The following TRPM6 variants were observed in gnomAD, a reference collection of about 807,000 sequenced individuals.
TRPM6 encodes the protein channel kinase 2.
A neutral mutation model predicts 247.6 loss-of-function variants in TRPM6; 111 were observed. The ratio of observed to expected loss-of-function variants is 0.45; its 90% confidence interval spans 0.38 to 0.52. The LOEUF is 0.52. TRPM6 is among the 20% of genes least tolerant of loss of function. The probability of loss-of-function intolerance (pLI) is 0.00; values close to 1 mark genes in which losing one functional copy is unlikely to be tolerated. For missense variants in TRPM6, 2,126 were observed against 2,421.5 expected, an observed-to-expected ratio of 0.88 and a Z score of 2.56; for synonymous variants, 892 against 853.8, an observed-to-expected ratio of 1.04 and a Z score of -0.78.
intron 7 of TRPM6, 195 bp downstream of exon 7, chr9:74,827,583 G>T (rs1269656945): frequency 1.4e-5 from 10 of 694,444 alleles, no homozygotes; most frequent in South Asian, 1.4e-4. Context: ...GTGGATCCTC[G>T]AAGTGTCATT....
At chr9:74,872,644 A>G (rs1186973175) in intron 1 of TRPM6, among the ~76,000 whole-genome samples, 1 of 148,410 alleles carries the variant, frequency 6.7e-6, no homozygotes, top group Non-Finnish European at 1.5e-5. Flanking sequence ...ACGTGTGTAC[A>G]TGTTTTGTAG....
chr9:74,743,924 C>T (rs1825945519), intron 32 of TRPM6, among the ~76,000 whole-genome samples, 171 bp downstream of exon 32: 1 of 152,130 alleles, frequency 6.6e-6, no homozygotes, highest in Non-Finnish European at 1.5e-5. Context: ...CTTGTTTTCC[C>T]AAGTCAATGG....
chr9:74,785,828 T>C (rs762452645), intron 21 of TRPM6, 46 bp downstream of exon 21: 11 of 1,612,608 alleles, frequency 6.8e-6, no homozygotes, highest in Non-Finnish European at 9.3e-6. Context: ...TGGCTAAAAA[T>C]AATTTTAAAA....
intron 37 of TRPM6, among the ~76,000 whole-genome samples, chr9:74,730,275 A>G (rs573262141): frequency 5.1e-4 from 77 of 152,362 alleles, no homozygotes; most frequent in Middle Eastern, 3.4e-3. Flanking sequence ...GCCCAAAACT[A>G]TCAAAGCAGC....
intron 7 of TRPM6, among the ~76,000 whole-genome samples, chr9:74,824,477 G>T (rs7856519): frequency 0.13 from 12,987 of 102,036 alleles, 2,012 homozygotes; most frequent in African/African-American, 0.37. Context: ...AATAACTTAT[G>T]CCCACAAAAT....
intron 38 of TRPM6, among the ~76,000 whole-genome samples, chr9:74,726,867 C>T (rs565156870): frequency 6.6e-6 from 1 of 152,204 alleles, no homozygotes; most frequent in South Asian, 2.1e-4. Context: ...CCAGCCCCTT[C>T]CTGAGCTCCT....
chr9:74,792,588 C>T, intron 19 of TRPM6, 36 bp downstream of exon 19: 1 of 1,606,568 alleles, frequency 6.2e-7, no homozygotes. Flanking sequence ...TATCAATCAT[C>T]ATTAATCCGA....
rs200312911 is a variant in TRPM6 at position 74,876,138 on chromosome 9, CA to C, written c.33+11685del. Among the ~76,000 whole-genome samples the C allele has an allele frequency of 3.1e-3, 476 of 152,348 alleles. 14 individuals carry two copies. The East Asian group carries it at 0.071, about 23-fold the overall frequency. On this transcript the variant is annotated intron_variant, in intron 1 of 38. Transcript: ENST00000360774. The stretch of plus-strand genomic sequence containing the variant: ...CGCTCTTGTCGCCCAGGCTGGAATG[CA>C]ATGGCATGATCACAGCTCACTGCAA...
rs575884352 is a variant in TRPM6, at chr9:74,876,318, A to G, written c.33+11506T>C. Among the ~76,000 whole-genome samples, 4 of 152,316 alleles carry G rather than the reference A, an allele frequency of 2.6e-5. No homozygotes were observed. The East Asian group carries it at 7.7e-4, about 29-fold the overall frequency. ...AGGCTGGTCTCAAACTCCTGACCTC[A>G]CGTGATCCACCCACCTCAGCCTCCC... On this transcript the variant is annotated intron_variant, in intron 1 of 38. Transcript: ENST00000360774.
intron 1 of TRPM6, among the ~76,000 whole-genome samples, chr9:74,867,326 C>G (rs143835375): frequency 6.6e-6 from 1 of 152,288 alleles, no homozygotes; most frequent in East Asian, 1.9e-4. Context: ...CTGAAAAGGT[C>G]TTAGAGACCT....
chr9:74,843,466 A>ATGG (rs1830008007), intron 3 of TRPM6, among the ~76,000 whole-genome samples: 1 of 152,136 alleles, frequency 6.6e-6, no homozygotes, highest in African/African-American at 2.4e-5. Context: ...CCATCAGAGG[A>ATGG]ATCACTACCT....
chr9:74,812,813 C>A (rs1002593418), intron 11 of TRPM6, among the ~76,000 whole-genome samples: 1 of 151,962 alleles, frequency 6.6e-6, no homozygotes, highest in Admixed American at 6.6e-5. Context: ...CCAATTGAGC[C>A]CAAGGGGTCA....
In TRPM6 at chr9:74,782,746, T is replaced by G; in HGVS notation, c.3027A>C (p.Leu1009=). 6.2e-7 allele frequency: 1 copy of G among 1,614,184 alleles called. No individual in the cohort carries two copies. The highest frequency in any genetic ancestry group is 8.5e-7 in the Non-Finnish European group (1 of 1,180,020). The change falls in exon 22 of 39, where the codon CTA becomes CTC. Residue 1009 remains leucine, a synonymous_variant. Coordinates refer to ENST00000360774, the MANE Select transcript of TRPM6 (RefSeq NM_017662.5). The part of the protein sequence containing the change: ...LSPKEPPSWS[L]ARDIVFEPYW... ...ATGGCTCAAATACAATATCTCGAGCTAGACTCCAAGATGGTGGCTCTTTTG... is the reference window on the plus strand; with the variant it reads ...ATGGCTCAAATACAATATCTCGAGCGAGACTCCAAGATGGTGGCTCTTTTG...
At chr9:74,787,444 G>A (rs1478985670) in intron 20 of TRPM6, among the ~76,000 whole-genome samples, 1 of 151,614 alleles carries the variant, frequency 6.6e-6, no homozygotes, top group Non-Finnish European at 1.5e-5. Context: ...ATAGTACACC[G>A]ATTTTCCCTG....
chr9:74,844,924 A>G (rs1830059242), intron 3 of TRPM6, among the ~76,000 whole-genome samples: 1 of 152,182 alleles, frequency 6.6e-6, no homozygotes, highest in African/African-American at 2.4e-5. Flanking sequence ...TAGGATTATT[A>G]ATTGGCCTAA....
In TRPM6 at chr9:74,762,247, C is replaced by G. The variant is rs1268518983; in HGVS notation, c.4424G>C (p.Cys1475Ser). The G allele has an allele frequency of 6.2e-7, 1 of 1,614,202 alleles. No homozygotes were observed. Among genetic ancestry groups the G allele is most frequent in the South Asian group, 1.1e-5 (1 of 91,084 alleles). ...VFSIKKKWQT[C>S]LPSTCDSDSS... is the part of the protein sequence containing the mutation. ...ATCACTGTCACAAGTGGAGGGCAAG[C>G]AGGTTTGCCACTTTTTCTTGATGCT... is the stretch of plus-strand genomic sequence containing the variant. Residue 1475 changes from cysteine to serine, a missense_variant, in exon 26 of 39, where the codon TGC becomes TCC. Physicochemically the swap from Cys to Ser is moderately radical, Grantham distance 112 (BLOSUM62 -1). Transcript: ENST00000360774.
intron 10 of TRPM6, 59 bp downstream of exon 10, chr9:74,816,833 T>A (rs571544018): frequency 6.2e-7 from 1 of 1,609,436 alleles, no homozygotes; most frequent in African/African-American, 1.3e-5. Flanking sequence ...AAGCACAAAG[T>A]ACTGTGGAAC....
At chr9:74,868,897 A>G (rs11144126) in intron 1 of TRPM6, among the ~76,000 whole-genome samples, 51,392 of 151,996 alleles carry the variant, frequency 0.34, 9,270 homozygotes, top group East Asian at 0.51. Flanking sequence ...ACAAGGATGC[A>G]GAAGAAAGAG....
In TRPM6 at chr9:74,846,377, C is replaced by T. The variant is rs1202660279; in HGVS notation, c.153-4034G>A. Among the ~76,000 whole-genome samples the T allele has an allele frequency of 3.9e-5, 6 of 151,996 alleles. No homozygotes were observed. In the East Asian group the frequency reaches 5.8e-4, roughly 15 times the overall value. ...CATTTATGTACCTCCTTTGCAAGAACGGCCCTATCATATTATTTTAAAGTT... is the reference window on the plus strand; with the variant it reads ...CATTTATGTACCTCCTTTGCAAGAATGGCCCTATCATATTATTTTAAAGTT... On this transcript the variant is annotated intron_variant, in intron 3 of 38. Coordinates refer to ENST00000360774, the MANE Select transcript of TRPM6 (RefSeq NM_017662.5).
Sources: gnomAD v4.1 joint callset for allele counts (sites outside exome capture counted in the v4.1 genomes callset) on GRCh38, gnomAD v4.1.1 for gene constraint, MANE v1.5 for transcripts, NCBI Gene and HGNC (gene_info 2026-07-23, HGNC 2026-07-21) for gene names.